PTPRE: variants seen among roughly 807,000 people sequenced by gnomAD.
The protein encoded by PTPRE is receptor-type tyrosine-protein phosphatase epsilon.
PTPRE carries 51 observed loss-of-function variants against 102.0 expected under a neutral mutation model. That is an observed-to-expected ratio of 0.50 (90% CI 0.40 to 0.63). The LOEUF (loss-of-function observed/expected upper bound fraction) is 0.63, where lower values mean the gene tolerates loss of function less well. Among genes scored for constraint, PTPRE ranks in the 30% least tolerant of loss-of-function variants. PTPRE has a pLI of 0.00. For missense variants in PTPRE, 752 were observed against 915.1 expected, an observed-to-expected ratio of 0.82 and a Z score of 2.30; for synonymous variants, 345 against 348.2, an observed-to-expected ratio of 0.99 and a Z score of 0.10.
chr10:128,025,194 G>A (rs936442360), intron 2 of PTPRE, among the ~76,000 whole-genome samples: 177 of 132,032 alleles, frequency 1.3e-3, no homozygotes, highest in African/African-American at 5.0e-3. Context: ...ACAGAAAAAA[G>A]CACTGAAATG....
At chr10:127,999,415 A>G in intron 2 of PTPRE, 1 of 342,086 alleles carries the variant, frequency 2.9e-6, no homozygotes. Flanking sequence ...CCACGGGGGG[A>G]ATCATGATCG....
chr10:127,923,906 T>A (rs1230586471), intron 1 of PTPRE, among the ~76,000 whole-genome samples: 1 of 152,186 alleles, frequency 6.6e-6, no homozygotes, highest in African/African-American at 2.4e-5. Flanking sequence ...CTGGGAGTGC[T>A]ACTTTTCCAT....
At chr10:127,938,473 A>C (rs1329797361) in intron 1 of PTPRE, among the ~76,000 whole-genome samples, 3 of 151,920 alleles carry the variant, frequency 2.0e-5, no homozygotes, top group Non-Finnish European at 4.4e-5. Flanking sequence ...CAGTGGTGTG[A>C]GCCTGTGATT....
At chr10:128,026,571 C>T (rs1274935622) in intron 2 of PTPRE, among the ~76,000 whole-genome samples, 1 of 152,238 alleles carries the variant, frequency 6.6e-6, no homozygotes, top group African/African-American at 2.4e-5. Flanking sequence ...CACCAAGCCC[C>T]TCATCCTTAT....
intron 1 of PTPRE, among the ~76,000 whole-genome samples, chr10:127,909,156 T>A (rs1162923159): frequency 6.6e-6 from 1 of 152,188 alleles, no homozygotes; most frequent in Non-Finnish European, 1.5e-5. Context: ...TGAAGCACTG[T>A]GCCCTGATGG....
At chr10:128,021,516 C>T (rs1416940692) in intron 2 of PTPRE, among the ~76,000 whole-genome samples, 1 of 152,240 alleles carries the variant, frequency 6.6e-6, no homozygotes, top group Non-Finnish European at 1.5e-5. Context: ...CCGCCATGCT[C>T]CCCAGAACAT....
intron 1 of PTPRE, among the ~76,000 whole-genome samples, chr10:127,959,834 G>C (rs1849669390): frequency 2.6e-5 from 4 of 152,150 alleles, no homozygotes. Flanking sequence ...CAGGCTGCTT[G>C]TGAGGGTCCA....
At position 128,070,754 on chromosome 10, in the gene PTPRE, G is replaced by A; in HGVS notation, c.1294-54G>A. The A allele has an allele frequency of 6.5e-7, 1 of 1,547,226 alleles. No homozygotes were observed. The highest frequency in any genetic ancestry group is 8.9e-7 in the Non-Finnish European group (1 of 1,122,618). On this transcript the variant is annotated intron_variant, in intron 14 of 20. Coordinates refer to ENST00000254667, the MANE Select transcript of PTPRE (RefSeq NM_006504.6). The surrounding 1 kb of genome is among the most constrained non-coding windows in gnomAD (Gnocchi z 4.8). ...CAGCACTAGTCCTCGGCTGAGCAAT[G>A]TGCTCAGGAGTGTCAGAGGTTTAAC...
intron 1 of PTPRE, among the ~76,000 whole-genome samples, chr10:127,935,580 T>C (rs890735013): frequency 2.6e-5 from 4 of 152,100 alleles, no homozygotes; most frequent in African/African-American, 9.7e-5. Flanking sequence ...GCGGGGACCC[T>C]TTCATCTCCC....
chr10:127,956,758 C>T (rs1262688981), intron 1 of PTPRE, among the ~76,000 whole-genome samples: 6 of 152,182 alleles, frequency 3.9e-5, no homozygotes, highest in African/African-American at 1.4e-4. Flanking sequence ...CGGATTTTGG[C>T]TATTACAATA....
At chr10:128,011,451 C>A (rs565087553) in intron 2 of PTPRE, among the ~76,000 whole-genome samples, 9 of 152,300 alleles carry the variant, frequency 5.9e-5, no homozygotes, top group African/African-American at 1.4e-4. Flanking sequence ...AGGTTCTGAG[C>A]GTGGCCTGGG....
At chr10:127,987,243 G>A in intron 2 of PTPRE, 1 of 946,000 alleles carries the variant, frequency 1.1e-6, no homozygotes, top group Non-Finnish European at 1.3e-6. Flanking sequence ...TAGGAACACA[G>A]ATTTCCTATA....
intron 6 of PTPRE, among the ~76,000 whole-genome samples, chr10:128,050,775 A>G (rs1245661473): frequency 6.6e-6 from 1 of 152,178 alleles, no homozygotes; most frequent in Non-Finnish European, 1.5e-5. Flanking sequence ...ATTACCTTGA[A>G]GTTGGAATGG....
At position 128,073,489 on chromosome 10, in the gene PTPRE, G is replaced by A; in HGVS notation, c.1599+18G>A. 3 of 1,603,848 alleles carry A rather than the reference G, an allele frequency of 1.9e-6. No individual in the cohort carries two copies. Among genetic ancestry groups the A allele is most frequent in the Non-Finnish European group, 2.5e-6 (3 of 1,176,652 alleles). On this transcript the variant is annotated intron_variant, in intron 17 of 20. Coordinates refer to ENST00000254667, the MANE Select transcript of PTPRE (RefSeq NM_006504.6). ...GAGAGCAGGTGAGGAGTGCCGCCCA[G>A]CCCGGTCCCTCCAGGGCAGCCTGTG...
intron 1 of PTPRE, among the ~76,000 whole-genome samples, chr10:127,974,613 AT>A (rs1018191645): frequency 2.0e-5 from 3 of 152,080 alleles, no homozygotes; most frequent in South Asian, 2.1e-4. Flanking sequence ...CTGTCCATGT[AT>A]TTTTTTTAAT....
At chr10:127,965,738 G>A (rs1850197548) in intron 1 of PTPRE, among the ~76,000 whole-genome samples, 1 of 152,200 alleles carries the variant, frequency 6.6e-6, no homozygotes. Flanking sequence ...GTCTGAGCCT[G>A]TGAACCTCGT....
intron 3 of PTPRE, among the ~76,000 whole-genome samples, chr10:128,043,683 A>G (rs1419790300): frequency 6.6e-6 from 1 of 152,012 alleles, no homozygotes; most frequent in Non-Finnish European, 1.5e-5. Flanking sequence ...AAAGATATAT[A>G]TGTGTGTGTG....
At chr10:128,076,808 C>T in intron 18 of PTPRE, 80 bp downstream of exon 18, 2 of 1,576,938 alleles carry the variant, frequency 1.3e-6, no homozygotes, top group Non-Finnish European at 1.7e-6. Context: ...GTCATTGAAC[C>T]AGAATGTGGC....
At chr10:128,013,601 T>G (rs1386379740) in intron 2 of PTPRE, among the ~76,000 whole-genome samples, 3 of 152,148 alleles carry the variant, frequency 2.0e-5, no homozygotes, top group Admixed American at 6.5e-5. Context: ...TGTGCTGGGT[T>G]GAGGAGGCGG....
Sources: gnomAD v4.1 joint callset for allele counts (sites outside exome capture counted in the v4.1 genomes callset) on GRCh38, gnomAD v4.1.1 for gene constraint, Gnocchi (gnomAD v3.1) non-coding constraint, MANE v1.5 for transcripts, NCBI Gene and HGNC (gene_info 2026-07-23, HGNC 2026-07-21) for gene names.